Variants in FAM222B observed in about 807,000 individuals in gnomAD.
The protein encoded by FAM222B is protein FAM222B.
FAM222B carries 12 observed loss-of-function variants against 38.0 expected under a neutral mutation model. The observed-to-expected ratio is 0.32, with a 90% CI of 0.20 to 0.51. FAM222B has a LOEUF of 0.51. FAM222B is among the 20% of genes least tolerant of loss of function. The probability of loss-of-function intolerance (pLI) is 0.97; values close to 1 mark genes in which losing one functional copy is unlikely to be tolerated. For missense variants in FAM222B, 716 were observed against 754.2 expected, an observed-to-expected ratio of 0.95 and a Z score of 0.59; for synonymous variants, 329 against 317.2, an observed-to-expected ratio of 1.04 and a Z score of -0.40.
At chr17:28,854,498 A>T (rs1046391026) in intron 1 of FAM222B, among the ~76,000 whole-genome samples, 3 of 151,874 alleles carry the variant, frequency 2.0e-5, no homozygotes, top group Non-Finnish European at 2.9e-5. Context: ...CCCAAGGACC[A>T]CTCCTTCCAG....
chr17:28,760,593 A>G (rs2035024922), intron 2 of FAM222B, among the ~76,000 whole-genome samples: 3 of 151,898 alleles, frequency 2.0e-5, no homozygotes. Flanking sequence ...AAAAGAAAAA[A>G]AAAAAAGAGA....
chr17:28,766,824 TAGC>T (rs2035353454), intron 1 of FAM222B, 117 bp from the exon 2 acceptor site: 3 of 592,108 alleles, frequency 5.1e-6, no homozygotes, highest in Admixed American at 5.9e-5. Context: ...GCAATTTAAT[TAGC>T]AGTGTGTTGG....
intron 1 of FAM222B, among the ~76,000 whole-genome samples, chr17:28,828,188 G>A (rs947643447): frequency 7.8e-6 from 1 of 128,806 alleles, no homozygotes; most frequent in Non-Finnish European, 1.5e-5. Flanking sequence ...TCGGCTCACA[G>A]CAACCTCCGC....
intron 1 of FAM222B, among the ~76,000 whole-genome samples, chr17:28,853,193 CA>C (rs71359260): frequency 0.087 from 9,733 of 112,134 alleles, 572 homozygotes; most frequent in African/African-American, 0.21. Flanking sequence ...AACTCTGTCT[CA>C]AAAAAAAAAA....
At chr17:28,778,670 A>ATTT (rs377460299) in intron 1 of FAM222B, among the ~76,000 whole-genome samples, 26 of 87,128 alleles carry the variant, frequency 3.0e-4, no homozygotes, top group South Asian at 4.9e-4. Context: ...TGCCTAGCTA[A>ATTT]TTTTTTTTTT....
chr17:28,787,204 G>A (rs1439979306), intron 1 of FAM222B, among the ~76,000 whole-genome samples: 1 of 152,114 alleles, frequency 6.6e-6, no homozygotes, highest in Non-Finnish European at 1.5e-5. Flanking sequence ...GATTACAGGC[G>A]TGAGCCACCA....
chr17:28,822,047 G>A (rs2038240982), intron 1 of FAM222B, among the ~76,000 whole-genome samples: 1 of 151,682 alleles, frequency 6.6e-6, no homozygotes, highest in Admixed American at 6.6e-5. Flanking sequence ...AGTCAGGCTG[G>A]GTGCAGTGGC....
chr17:28,841,154 G>T (rs561213776), intron 1 of FAM222B, among the ~76,000 whole-genome samples: 1 of 151,722 alleles, frequency 6.6e-6, no homozygotes, highest in Non-Finnish European at 1.5e-5. Context: ...AATTAGCCAG[G>T]CGTGGTGGTG....
At chr17:28,821,807 C>A (rs1041801747) in intron 1 of FAM222B, among the ~76,000 whole-genome samples, 1 of 151,492 alleles carries the variant, frequency 6.6e-6, no homozygotes, top group Non-Finnish European at 1.5e-5. Flanking sequence ...ACTAAAAATA[C>A]AAAAATTAGC....
chr17:28,809,367 A>G (rs1421425069), intron 1 of FAM222B, among the ~76,000 whole-genome samples: 2 of 152,148 alleles, frequency 1.3e-5, no homozygotes, highest in Non-Finnish European at 2.9e-5. Flanking sequence ...AAAAAAAAAA[A>G]AAGAGAGAGA....
At chr17:28,760,299 C>T (rs1023930341) in intron 2 of FAM222B, among the ~76,000 whole-genome samples, 3 of 152,098 alleles carry the variant, frequency 2.0e-5, no homozygotes, top group Non-Finnish European at 2.9e-5. Context: ...GGTCGCTGGG[C>T]ACGGTGGCTC....
At chr17:28,760,535 G>A (rs2035020859) in intron 2 of FAM222B, among the ~76,000 whole-genome samples, 1 of 151,464 alleles carries the variant, frequency 6.6e-6, no homozygotes, top group Admixed American at 6.6e-5. Flanking sequence ...AGCCGACATC[G>A]CACCACTGCA....
intron 1 of FAM222B, among the ~76,000 whole-genome samples, chr17:28,798,791 G>C (rs1261887219): frequency 2.0e-5 from 3 of 150,674 alleles, no homozygotes; most frequent in Non-Finnish European, 3.0e-5. Flanking sequence ...CTAATTTTTT[G>C]TATTTTTAGT....
chr17:28,791,075 T>A (rs1422029139), intron 1 of FAM222B, among the ~76,000 whole-genome samples: 1 of 149,602 alleles, frequency 6.7e-6, no homozygotes, highest in African/African-American at 2.5e-5. Flanking sequence ...GCCCAGCTAA[T>A]TTTTTTTTGT....
rs115759000 is a variant in FAM222B, at chr17:28,804,116, T to C, written c.-40-37409A>G. ...GATTAAGTAACAAAGGTCAGGTCTC[T>C]TCGGGAACCAGGACATCTATCTTCT... On this transcript the variant is annotated intron_variant, in intron 1 of 2. Coordinates refer to ENST00000581407, the MANE Select transcript of FAM222B (RefSeq NM_001077498.3). Among the ~76,000 whole-genome samples, 1,017 of 152,302 alleles carry C rather than the reference T, an allele frequency of 6.7e-3. 19 individuals are homozygous for C. Among genetic ancestry groups the C allele is most frequent in the African/African-American group, 0.023 (972 of 41,540 alleles).
intron 1 of FAM222B, among the ~76,000 whole-genome samples, chr17:28,805,805 A>C (rs1010786543): frequency 6.6e-6 from 1 of 152,068 alleles, no homozygotes; most frequent in Non-Finnish European, 1.5e-5. Context: ...TGCCTAGAAA[A>C]CCTCAGTTAA....
chr17:28,817,179 G>A (rs760691974), intron 1 of FAM222B, among the ~76,000 whole-genome samples: 10 of 152,042 alleles, frequency 6.6e-5, no homozygotes, highest in South Asian at 2.1e-4. Context: ...TTGGGAGGCC[G>A]AGCAGATGGA....
intron 1 of FAM222B, among the ~76,000 whole-genome samples, chr17:28,840,142 G>A (rs865821519): frequency 2.0e-5 from 3 of 152,172 alleles, no homozygotes; most frequent in Admixed American, 6.6e-5. Context: ...TTGGGAGGCC[G>A]AGGCAGGCGG....
intron 1 of FAM222B, among the ~76,000 whole-genome samples, chr17:28,828,095 A>ATTTTTTTTT (rs528492764): frequency 4.0e-5 from 3 of 74,692 alleles, no homozygotes; most frequent in Non-Finnish European, 7.1e-5. Context: ...ATCAAATCCA[A>ATTTTTTTTT]TTTTTTTTTT....
Sources: gnomAD v4.1 joint callset for allele counts (sites outside exome capture counted in the v4.1 genomes callset) on GRCh38, gnomAD v4.1.1 for gene constraint, MANE v1.5 for transcripts, NCBI Gene and HGNC (gene_info 2026-07-23, HGNC 2026-07-21) for gene names.